Variants in KDM4C observed in about 807,000 individuals in gnomAD.
The protein encoded by KDM4C is lysine-specific demethylase 4C.
Under a neutral mutation model 129.3 loss-of-function variants are expected in KDM4C, and 81 were observed. That is an observed-to-expected ratio of 0.63 (90% confidence interval 0.52 to 0.75). The LOEUF is 0.75. Among genes scored for constraint, KDM4C ranks in the 30% least tolerant of loss-of-function variants. KDM4C has a pLI of 0.00. For missense variants in KDM4C, 1,457 were observed against 1,304.0 expected, an observed-to-expected ratio of 1.12 and a Z score of -1.81; for synonymous variants, 573 against 456.1, an observed-to-expected ratio of 1.26 and a Z score of -3.26.
In KDM4C at chr9:6,866,971, T is replaced by TTGTG. The variant is rs369963257; in HGVS notation, c.630-13015_630-13012dup. ...TATATGTGTATATAAAAATATATGT[T>TTGTG]TGTGTGTGTGTGTGTGTGTGTGTGT... On this transcript the variant is annotated intron_variant, in intron 5 of 21. Coordinates refer to ENST00000381309, the MANE Select transcript of KDM4C (RefSeq NM_015061.6). Among the ~76,000 whole-genome samples, 148 of 126,248 alleles carry TTGTG rather than the reference T, an allele frequency of 1.2e-3. 1 individual carries two copies. The highest frequency in any genetic ancestry group is 3.2e-3 in the East Asian group (15 of 4,650). 82.8% of individuals were successfully genotyped at this position (126,248 alleles called of 152,430 possible). A position where few individuals can be genotyped will look rare whatever the true frequency, so the allele number is the denominator to read the frequency against.
At chr9:7,100,004 C>A (rs1034839510) in intron 17 of KDM4C, among the ~76,000 whole-genome samples, 1 of 151,960 alleles carries the variant, frequency 6.6e-6, no homozygotes, top group Non-Finnish European at 1.5e-5. Flanking sequence ...TTTTCTACTT[C>A]CCTCTCTAGC....
chr9:7,031,270 C>T (rs528446439), intron 15 of KDM4C, among the ~76,000 whole-genome samples: 1 of 152,052 alleles, frequency 6.6e-6, no homozygotes, highest in South Asian at 2.1e-4. Flanking sequence ...TCAAGTGGTT[C>T]TCTTGCCTCA....
chr9:7,115,315 A>G (rs929719210), intron 18 of KDM4C, among the ~76,000 whole-genome samples: 4 of 152,190 alleles, frequency 2.6e-5, no homozygotes, highest in African/African-American at 9.6e-5. Flanking sequence ...AAGCTTTTCA[A>G]CAATTTGTAC....
chr9:6,899,429 G>C (rs1816997831), intron 8 of KDM4C, among the ~76,000 whole-genome samples: 1 of 151,928 alleles, frequency 6.6e-6, no homozygotes, highest in Non-Finnish European at 1.5e-5. Flanking sequence ...GCTCACTCTG[G>C]GTGTTGTACA....
chr9:6,793,069 G>A lies in KDM4C; in HGVS notation c.81G>A (p.Arg27=). The change falls in exon 2 of 22, where the codon CGG becomes CGA. Residue 27 remains arginine (R), a synonymous_variant. Transcript: ENST00000381309. ...TCAGACCCTCCATGGAGGAGTTCCGGGAGTTCAACAAATACCTTGCATACA... is the reference window on the plus strand; with the variant it reads ...TCAGACCCTCCATGGAGGAGTTCCGAGAGTTCAACAAATACCTTGCATACA... The part of the protein sequence containing the change: ...MTFRPSMEEF[R]EFNKYLAYME... The A allele has an allele frequency of 6.2e-7, 1 of 1,614,090 alleles. No homozygotes were observed. Among genetic ancestry groups the A allele is most frequent in the Middle Eastern group, 1.6e-4 (1 of 6,062 alleles).
At chr9:6,928,099 C>A (rs1038785510) in intron 8 of KDM4C, among the ~76,000 whole-genome samples, 6 of 152,218 alleles carry the variant, frequency 3.9e-5, no homozygotes, top group Admixed American at 2.0e-4. Flanking sequence ...TATCAAACAG[C>A]TTTTATCAAG....
chr9:7,097,346 G>T (rs1836559511), intron 17 of KDM4C, among the ~76,000 whole-genome samples: 1 of 152,194 alleles, frequency 6.6e-6, no homozygotes, highest in African/African-American at 2.4e-5. Context: ...AACTTTGAGA[G>T]AAACCCTGTT....
In KDM4C at chr9:6,986,664, A is replaced by G. The variant is rs761121220; in HGVS notation, c.1675A>G (p.Ser559Gly). 3.8e-6 allele frequency: 6 copies of G among 1,599,594 alleles called. No individual in the cohort carries two copies. Among genetic ancestry groups the G allele is most frequent in the Non-Finnish European group, 5.1e-6 (6 of 1,170,382 alleles). ...AGAGAGAAATAGCTTCAAAGTCCCC[A>G]GTGTATGTGGCAATATCCATTTTTT... ...SGERNSFKVP[S>G]IAEGENKTSK... The change falls in exon 11 of 22, where the codon AGT becomes GGT. Residue 559 changes from serine (S) to glycine (G), a missense_variant and splice_region_variant. Ser to Gly is a moderately conservative substitution (Grantham distance 56). Coordinates refer to ENST00000381309, the MANE Select transcript of KDM4C (RefSeq NM_015061.6).
At position 6,808,173 on chromosome 9, in the gene KDM4C, A is replaced by AC. The variant is rs1391689187; in HGVS notation, c.320+2401dup. Among the ~76,000 whole-genome samples the AC allele has an allele frequency of 3.2e-5, 2 of 62,156 alleles. 1 individual carries two copies. The highest frequency in any genetic ancestry group is 2.2e-4 in the African/African-American group (2 of 9,052). The allele number at this position is 62,156 out of a possible 152,430, so 40.8% of individuals were successfully genotyped here. The stretch of plus-strand genomic sequence containing the variant: ...AAGTGAGGAGCTCCTCTGCCCGGCC[A>AC]CCACCCCGTCTGGGAGGTGTGCCCA... On this transcript the variant is annotated intron_variant, in intron 3 of 21. Coordinates refer to ENST00000381309, the MANE Select transcript of KDM4C (RefSeq NM_015061.6).
intron 8 of KDM4C, among the ~76,000 whole-genome samples, chr9:6,901,287 C>T (rs1817365172): frequency 6.6e-6 from 1 of 152,200 alleles, no homozygotes; most frequent in Non-Finnish European, 1.5e-5. Flanking sequence ...CACAGCTTCT[C>T]ATCCATGCAG....
chr9:7,075,378 T>G (rs1833781372), intron 17 of KDM4C, among the ~76,000 whole-genome samples: 1 of 152,134 alleles, frequency 6.6e-6, no homozygotes, highest in African/African-American at 2.4e-5. Flanking sequence ...GTGGCAGTGT[T>G]GGGGGGTGCG....
chr9:6,793,006 G>A lies in KDM4C; in HGVS notation c.18G>A (p.Val6=), dbSNP rs760727212. ...TAACCATCATGGAGGTGGCCGAGGT[G>A]GAAAGTCCTCTGAACCCCAGCTGTA... MEVAE[V]ESPLNPSCKI... The change falls in exon 2 of 22, where the codon GTG becomes GTA. Residue 6 remains valine (V), a synonymous_variant. Transcript: ENST00000381309. 30 of 1,614,142 alleles carry A rather than the reference G, an allele frequency of 1.9e-5. No homozygotes were observed. In the South Asian group the frequency reaches 2.9e-4, roughly 15 times the overall value.
intron 6 of KDM4C, among the ~76,000 whole-genome samples, chr9:6,885,073 A>G (rs1282233746): frequency 6.6e-6 from 1 of 152,198 alleles, no homozygotes; most frequent in Non-Finnish European, 1.5e-5. Flanking sequence ...AGTTTTGACA[A>G]ATGTTTACAG....
chr9:6,801,678 C>T (rs1042353698), intron 2 of KDM4C, among the ~76,000 whole-genome samples: 5 of 151,916 alleles, frequency 3.3e-5, no homozygotes, highest in Admixed American at 6.6e-5. Flanking sequence ...CCTCCATATA[C>T]ACATACACAT....
chr9:6,821,884 C>T (rs1007203263), intron 4 of KDM4C, among the ~76,000 whole-genome samples: 12 of 152,194 alleles, frequency 7.9e-5, no homozygotes, highest in African/African-American at 2.4e-4. Flanking sequence ...ATCTGCCTGT[C>T]TTGGCCTCCC....
intron 2 of KDM4C, among the ~76,000 whole-genome samples, chr9:6,797,551 G>C (rs1827981874): frequency 6.6e-6 from 1 of 152,224 alleles, no homozygotes. Flanking sequence ...AACTTGTACT[G>C]TTTTTGTGGA....
chr9:6,994,799 G>C lies in KDM4C; in HGVS notation c.1786+4275G>C, dbSNP rs147828606. ...TTGTTTTAATTACCAATATAAATGT[G>C]ATAAATTATATATTTAATATGTCAG... On this transcript the variant is annotated intron_variant, in intron 12 of 21. Coordinates refer to ENST00000381309, the MANE Select transcript of KDM4C (RefSeq NM_015061.6). 3.0e-4 allele frequency among the ~76,000 whole-genome samples: 46 copies of C among 152,290 alleles called. No homozygotes were observed. The East Asian group carries it at 7.3e-3, about 24-fold the overall frequency.
chr9:6,771,666 C>G (rs922966263), intron 1 of KDM4C, among the ~76,000 whole-genome samples: 1 of 152,150 alleles, frequency 6.6e-6, no homozygotes, highest in Non-Finnish European at 1.5e-5. Flanking sequence ...TGAGTAGTCT[C>G]CATGGCCTCC....
chr9:6,901,411 T>G (rs1817391443), intron 8 of KDM4C, among the ~76,000 whole-genome samples: 1 of 152,172 alleles, frequency 6.6e-6, no homozygotes. Flanking sequence ...CTAGGGTTGG[T>G]GTAGCAGCTC....
Sources: gnomAD v4.1 joint callset for allele counts (sites outside exome capture counted in the v4.1 genomes callset) on GRCh38, gnomAD v4.1.1 for gene constraint, MANE v1.5 for transcripts, NCBI Gene and HGNC (gene_info 2026-07-23, HGNC 2026-07-21) for gene names.